The following ACSBG2 variants were observed in gnomAD, a reference collection of about 807,000 sequenced individuals.
The protein encoded by ACSBG2 is long-chain-fatty-acid--CoA ligase ACSBG2.
ACSBG2 carries 62 observed loss-of-function variants against 74.7 expected under a neutral mutation model. That is an observed-to-expected ratio of 0.83 (90% CI 0.68 to 1.03). The LOEUF is 1.03. Ranked by LOEUF, ACSBG2 falls within the 50% of genes least tolerant of loss-of-function variation. The probability of loss-of-function intolerance (pLI) is 0.00; values close to 1 mark genes in which losing one functional copy is unlikely to be tolerated. For synonymous variants in ACSBG2, 309 were observed against 294.1 expected (o/e 1.05, Z -0.52); for missense variants, 730 against 817.6 (o/e 0.89, Z 1.31).
chr19:6,175,391 A>C (rs1445608948), intron 7 of ACSBG2: 1 of 152,316 alleles, frequency 6.6e-6, no homozygotes, highest in African/African-American at 2.4e-5. Context: ...GGAACAGATA[A>C]GAAATGAACA....
intron 10 of ACSBG2, among the ~76,000 whole-genome samples, chr19:6,184,351 G>A (rs115929616): frequency 0.014 from 2,102 of 152,122 alleles, 37 homozygotes; most frequent in African/African-American, 0.048. Flanking sequence ...TTAGATGGTT[G>A]AACTTATCGA....
At chr19:6,158,312 C>A (rs2089491690) in intron 5 of ACSBG2, among the ~76,000 whole-genome samples, 1 of 152,090 alleles carries the variant, frequency 6.6e-6, no homozygotes, top group Non-Finnish European at 1.5e-5. Flanking sequence ...CCGCCTCGGT[C>A]TCCCAAAGTG....
chr19:6,157,252 C>A (rs1395892518), intron 5 of ACSBG2, among the ~76,000 whole-genome samples: 1 of 151,872 alleles, frequency 6.6e-6, no homozygotes, highest in Non-Finnish European at 1.5e-5. Context: ...CGAGCCCGGG[C>A]TAACTTTTAA....
intron 2 of ACSBG2, among the ~76,000 whole-genome samples, chr19:6,144,354 C>G (rs535239770): frequency 5.1e-4 from 78 of 152,296 alleles, no homozygotes; most frequent in African/African-American, 1.8e-3. Flanking sequence ...CCAATGTGAC[C>G]AGTGTCTTTA....
At chr19:6,161,176 G>A (rs772441869) in intron 5 of ACSBG2, 39 bp from the exon 6 acceptor site, 4 of 1,564,996 alleles carry the variant, frequency 2.6e-6, no homozygotes, top group African/African-American at 2.7e-5. Flanking sequence ...CTTTCCCAGG[G>A]CTGGGTTGCC....
intron 7 of ACSBG2, chr19:6,176,273 T>C: frequency 7.4e-7 from 1 of 1,348,702 alleles, no homozygotes; most frequent in Non-Finnish European, 9.6e-7. Flanking sequence ...TACTCGATCT[T>C]ACCTTGAGAG....
At position 6,161,165 on chromosome 19, in the gene ACSBG2, T is replaced by G. The variant is rs749783329; in HGVS notation, c.508-50T>G. 6 of 1,519,546 alleles carry G rather than the reference T, an allele frequency of 3.9e-6. No individual in the cohort carries two copies. The East Asian group carries it at 1.1e-4, about 29-fold the overall frequency. The allele number at this position is 1,519,546 out of a possible 1,614,324, so 94.1% of individuals were successfully genotyped here. A position where few individuals can be genotyped will look rare whatever the true frequency, so the allele number is the denominator to read the frequency against. On this transcript the variant is annotated intron_variant, in intron 5 of 14. Coordinates refer to ENST00000588485, the MANE Select transcript of ACSBG2 (RefSeq NM_030924.5). ...CTTAGGACATCTAACCCAGCTTTAG[T>G]CTTTCCCAGGGCTGGGTTGCCATGA...
chr19:6,158,696 C>T (rs2089509176), intron 5 of ACSBG2, among the ~76,000 whole-genome samples: 1 of 152,022 alleles, frequency 6.6e-6, no homozygotes, highest in African/African-American at 2.4e-5. Flanking sequence ...TCTCTGGAGT[C>T]GAGATGTGTC....
At position 6,177,276 on chromosome 19, in the gene ACSBG2, C is replaced by G; in HGVS notation, c.786C>G (p.Asp262Glu). The change falls in exon 8 of 15, where the codon GAC becomes GAG. Residue 262 changes from aspartate (D) to glutamate (E), a missense_variant. Asp to Glu is a conservative substitution (Grantham distance 45, BLOSUM62 2). Coordinates refer to ENST00000588485, the MANE Select transcript of ACSBG2 (RefSeq NM_030924.5). ...GAVTKDFKLT[D>E]KHETVVSYLP... ...TGACAAAGGACTTTAAACTGACAGA[C>G]AAGCATGAGACGGTGGTTAGCTACC... The G allele has an allele frequency of 6.2e-7, 1 of 1,614,056 alleles. No individual in the cohort carries two copies. The highest frequency in any genetic ancestry group is 1.1e-5 in the South Asian group (1 of 91,068).
intron 5 of ACSBG2, among the ~76,000 whole-genome samples, chr19:6,160,047 G>A (rs2089553185): frequency 6.6e-6 from 1 of 152,158 alleles, no homozygotes. Flanking sequence ...TTGGCTAGAA[G>A]TGTCATAGAG....
intron 3 of ACSBG2, among the ~76,000 whole-genome samples, chr19:6,148,913 C>A (rs2089138525): frequency 1.3e-5 from 2 of 151,822 alleles, no homozygotes; most frequent in Admixed American, 6.6e-5. Context: ...TTGAGACCAG[C>A]CTGGCCCACA....
In ACSBG2 at chr19:6,177,428, T is replaced by C. The variant is rs1191666556; in HGVS notation, c.906+32T>C. 4.5e-6 allele frequency: 7 copies of C among 1,543,928 alleles called. 1 individual carries two copies. The highest frequency in any genetic ancestry group is 1.4e-5 in the African/African-American group (1 of 72,334). On this transcript the variant is annotated intron_variant, in intron 8 of 14. Coordinates refer to ENST00000588485, the MANE Select transcript of ACSBG2 (RefSeq NM_030924.5). Reference sequence around the variant, plus strand: ...TTGAGTAAGGACCTGGGGCTCCGACTTCATCCTCTTGGGCAGCCCAGGTGA... The same window carrying C: ...TTGAGTAAGGACCTGGGGCTCCGACCTCATCCTCTTGGGCAGCCCAGGTGA...
intron 8 of ACSBG2, among the ~76,000 whole-genome samples, chr19:6,182,389 A>G (rs2087478149): frequency 6.6e-6 from 1 of 152,172 alleles, no homozygotes; most frequent in Non-Finnish European, 1.5e-5. Flanking sequence ...ATTCTGTTAC[A>G]AAACAGTGTT....
chr19:6,168,219 C>T (rs2145161406), intron 7 of ACSBG2, among the ~76,000 whole-genome samples: 1 of 152,262 alleles, frequency 6.6e-6, no homozygotes, highest in South Asian at 2.1e-4. Flanking sequence ...CTTGCTGTTC[C>T]TCCAACACAC....
intron 8 of ACSBG2, among the ~76,000 whole-genome samples, chr19:6,182,323 C>T: frequency 6.6e-6 from 1 of 152,066 alleles, no homozygotes; most frequent in South Asian, 2.1e-4. Context: ...CCACTGCATG[C>T]TTGGACCACA....
rs1202749894 is a variant in ACSBG2 at position 6,174,197 on chromosome 19, A to G, written c.739-3032A>G. Reference sequence around the variant, plus strand: ...GGTGATCCACCCGCCTTGGCCTCCCAAAGTGCTGGGACTACAAACATGAGC... The same window carrying G: ...GGTGATCCACCCGCCTTGGCCTCCCGAAGTGCTGGGACTACAAACATGAGC... On this transcript the variant is annotated intron_variant, in intron 7 of 14. Transcript: ENST00000588485. This position sits in a 1 kb window ranked among gnomAD's most constrained non-coding sequence, Gnocchi z 4.2. 6.6e-6 allele frequency among the ~76,000 whole-genome samples: 1 copy of G among 151,974 alleles called. No individual in the cohort carries two copies. Among genetic ancestry groups the G allele is most frequent in the Admixed American group, 6.6e-5 (1 of 15,256 alleles).
chr19:6,185,707 A>G (rs1600133080), intron 11 of ACSBG2, 54 bp downstream of exon 11: 2 of 1,589,318 alleles, frequency 1.3e-6, no homozygotes, highest in East Asian at 4.5e-5. Context: ...CACCCTGAAC[A>G]TTTAAGGGCC....
Position 6,187,273 on chromosome 19 carries a change from T to C in ACSBG2, c.1541-10T>C, listed in dbSNP as rs2090434124. ...TGGCTGGACATGTACCAAGCCAAGC[T>C]CTGTTCCAGAAATCCTTATCACTGC... On this transcript the variant is annotated splice_polypyrimidine_tract_variant and intron_variant, in intron 11 of 14. Transcript: ENST00000588485. The C allele has an allele frequency of 6.2e-7, 1 of 1,614,004 alleles. No individual in the cohort carries two copies. The highest frequency in any genetic ancestry group is 8.5e-7 in the Non-Finnish European group (1 of 1,179,986).
At chr19:6,163,783 C>CAAAA (rs1278911071) in intron 6 of ACSBG2, among the ~76,000 whole-genome samples, 4 of 81,078 alleles carry the variant, frequency 4.9e-5, no homozygotes, top group Non-Finnish European at 9.9e-5. Context: ...AAATAAAATA[C>CAAAA]AAAAAAAAAA....
Sources: gnomAD v4.1 joint callset for allele counts (sites outside exome capture counted in the v4.1 genomes callset) on GRCh38, gnomAD v4.1.1 for gene constraint, Gnocchi (gnomAD v3.1) non-coding constraint, MANE v1.5 for transcripts, NCBI Gene and HGNC (gene_info 2026-07-23, HGNC 2026-07-21) for gene names.